The following SH3PXD2A variants were observed in gnomAD, a reference collection of about 807,000 sequenced individuals.
SH3PXD2A encodes SH3 and PX domain-containing protein 2A.
SH3PXD2A carries 32 observed loss-of-function variants against 115.2 expected under a neutral mutation model. That is an observed-to-expected ratio of 0.28 (90% CI 0.21 to 0.37). The LOEUF (loss-of-function observed/expected upper bound fraction) is 0.37, where lower values mean the gene tolerates loss of function less well. Among genes scored for constraint, SH3PXD2A ranks in the 10% least tolerant of loss-of-function variants. The probability of loss-of-function intolerance (pLI) is 1.00; values close to 1 mark genes in which losing one functional copy is unlikely to be tolerated. For synonymous variants in SH3PXD2A, 610 were observed against 629.1 expected (o/e 0.97, Z 0.45); for missense variants, 1,328 against 1,498.7 (o/e 0.89, Z 1.88).
At chr10:103,710,659 C>T (rs550120605) in intron 5 of SH3PXD2A, among the ~76,000 whole-genome samples, 105 of 152,176 alleles carry the variant, frequency 6.9e-4, no homozygotes, top group African/African-American at 2.4e-3. Context: ...TCAGGGAAGC[C>T]GGATGTTAAG....
At chr10:103,664,484 G>A (rs939773601) in intron 7 of SH3PXD2A, among the ~76,000 whole-genome samples, 4 of 152,136 alleles carry the variant, frequency 2.6e-5, no homozygotes, top group African/African-American at 9.7e-5. Flanking sequence ...AATTCTCTAA[G>A]GTCACACAGC....
At chr10:103,838,964 C>G (rs1477985157) in intron 1 of SH3PXD2A, among the ~76,000 whole-genome samples, 1 of 152,192 alleles carries the variant, frequency 6.6e-6, no homozygotes. Context: ...CTGGCCCCAG[C>G]TGCCAGCCCA....
chr10:103,776,601 C>T (rs1033944346), intron 2 of SH3PXD2A, among the ~76,000 whole-genome samples: 1 of 152,044 alleles, frequency 6.6e-6, no homozygotes, highest in Non-Finnish European at 1.5e-5. Flanking sequence ...GGTTGGTTCC[C>T]TCTGAGGGCT....
At chr10:103,689,124 T>A (rs2037716436) in intron 6 of SH3PXD2A, among the ~76,000 whole-genome samples, 1 of 152,170 alleles carries the variant, frequency 6.6e-6, no homozygotes, top group South Asian at 2.1e-4. Flanking sequence ...TCTTCTTGCC[T>A]TGGCCTCCCA....
At chr10:103,635,707 C>T (rs535112889) in intron 8 of SH3PXD2A, among the ~76,000 whole-genome samples, 1 of 152,330 alleles carries the variant, frequency 6.6e-6, no homozygotes, top group Admixed American at 6.5e-5. Flanking sequence ...CCAAACTGGA[C>T]AATACCCCAA....
At chr10:103,692,501 AGGTCTGT>A (rs2037768100) in intron 6 of SH3PXD2A, among the ~76,000 whole-genome samples, 1 of 152,200 alleles carries the variant, frequency 6.6e-6, no homozygotes, top group Non-Finnish European at 1.5e-5. Flanking sequence ...GCAGGGAAGA[AGGTCTGT>A]GGTGCAGGCG....
rs1432623505 is a variant in SH3PXD2A, at chr10:103,712,111, G to C, written c.398+12159C>G. 3.3e-5 allele frequency among the ~76,000 whole-genome samples: 5 copies of C among 151,996 alleles called. No individual in the cohort carries two copies. The South Asian group carries it at 1.0e-3, about 32-fold the overall frequency. ...CCTCCCTCTGGGATCTTTTAAGGGA[G>C]ATGGAACTGCTCTAAAATTGGATTG... On this transcript the variant is annotated intron_variant, in intron 5 of 14. Coordinates refer to ENST00000369774, the MANE Select transcript of SH3PXD2A (RefSeq NM_001394015.1).
At chr10:103,804,853 G>T (rs1304714117) in intron 1 of SH3PXD2A, among the ~76,000 whole-genome samples, 2 of 152,012 alleles carry the variant, frequency 1.3e-5, no homozygotes, top group African/African-American at 2.4e-5. Context: ...TTTTCCTGGG[G>T]GTTATTACCT....
intron 10 of SH3PXD2A, among the ~76,000 whole-genome samples, chr10:103,618,776 C>T (rs759223568): frequency 7.2e-5 from 11 of 152,220 alleles, no homozygotes; most frequent in Non-Finnish European, 1.6e-4. Flanking sequence ...CCAGCTGTGA[C>T]AGCCACCCCC....
At position 103,807,216 on chromosome 10, in the gene SH3PXD2A, C is replaced by T. The variant is rs530658366; in HGVS notation, c.73-5854G>A. ...CTGGTCTGGGACCAATTAGAAACTG[C>T]AAATACACAGCCCAACCATTCCTAG... On this transcript the variant is annotated intron_variant, in intron 1 of 14. Transcript: ENST00000369774. 2.0e-5 allele frequency among the ~76,000 whole-genome samples: 3 copies of T among 152,292 alleles called. No individual in the cohort carries two copies. The East Asian group carries it at 5.8e-4, about 29-fold the overall frequency.
At chr10:103,656,480 C>T (rs559936697) in intron 8 of SH3PXD2A, among the ~76,000 whole-genome samples, 12 of 152,232 alleles carry the variant, frequency 7.9e-5, no homozygotes, top group Admixed American at 4.6e-4. Flanking sequence ...CTGTCATGGT[C>T]GGATGAGAGG....
chr10:103,632,279 G>C (rs1437159008), intron 8 of SH3PXD2A, among the ~76,000 whole-genome samples: 1 of 152,230 alleles, frequency 6.6e-6, no homozygotes, highest in Non-Finnish European at 1.5e-5. Context: ...ATGCATTGGA[G>C]GGGAGCCTGG....
intron 8 of SH3PXD2A, among the ~76,000 whole-genome samples, chr10:103,655,895 T>C (rs1240356936): frequency 2.0e-5 from 3 of 151,200 alleles, no homozygotes; most frequent in African/African-American, 4.9e-5. Context: ...AGGAACCTCA[T>C]GGATGTATAC....
intron 7 of SH3PXD2A, chr10:103,661,654 C>G: frequency 5.1e-6 from 5 of 985,216 alleles, no homozygotes; most frequent in Non-Finnish European, 6.0e-6. Context: ...AAAAGGCAGC[C>G]CTGCTCCCTC....
At position 103,596,719 on chromosome 10, in the gene SH3PXD2A, C is replaced by CTTAA. The variant is rs753155423; in HGVS notation, c.*5093_*5096dup. ...ATGGCCCTCAAAAAAGTGAGGGAAT[C>CTTAA]TTAATTATTTAGCAATGTGGACAGT... On this transcript the variant is annotated 3_prime_UTR_variant, in exon 15 of 15. Transcript: ENST00000369774. 3.5e-5 allele frequency: 5 copies of CTTAA among 144,140 alleles called. No homozygotes were observed. Among genetic ancestry groups the CTTAA allele is most frequent in the Admixed American group, 7.1e-5 (1 of 14,140 alleles). The allele number at this position is 144,140 out of a possible 1,614,324, so 8.9% of individuals were successfully genotyped here.
At chr10:103,777,059 A>G (rs184716751) in intron 2 of SH3PXD2A, among the ~76,000 whole-genome samples, 36 of 152,406 alleles carry the variant, frequency 2.4e-4, no homozygotes, top group Non-Finnish European at 4.6e-4. Context: ...AGAAAAATAA[A>G]TCGTGAATAG....
intron 2 of SH3PXD2A, among the ~76,000 whole-genome samples, chr10:103,770,841 C>T (rs2038810993): frequency 6.6e-6 from 1 of 152,222 alleles, no homozygotes; most frequent in Non-Finnish European, 1.5e-5. Context: ...CTTCTCACTA[C>T]TATATATAGC....
chr10:103,749,251 C>A (rs528641347), intron 3 of SH3PXD2A, among the ~76,000 whole-genome samples: 303 of 152,300 alleles, frequency 2.0e-3, no homozygotes, highest in African/African-American at 6.9e-3. Context: ...TAAACTCACA[C>A]CACAGCCCAT....
At chr10:103,728,310 G>A (rs1024824188) in intron 4 of SH3PXD2A, among the ~76,000 whole-genome samples, 1 of 152,218 alleles carries the variant, frequency 6.6e-6, no homozygotes, top group African/African-American at 2.4e-5. Flanking sequence ...CACAGTGGCT[G>A]GTGAAGAGTA....
Sources: gnomAD v4.1 joint callset for allele counts (sites outside exome capture counted in the v4.1 genomes callset) on GRCh38, gnomAD v4.1.1 for gene constraint, MANE v1.5 for transcripts, NCBI Gene and HGNC (gene_info 2026-07-23, HGNC 2026-07-21) for gene names.